The following HYDIN variants were observed in gnomAD, a reference collection of about 807,000 sequenced individuals.
The protein encoded by HYDIN is axonemal central pair apparatus protein HYDIN.
A neutral mutation model predicts 403.9 loss-of-function variants in HYDIN; 132 were observed. That is an observed-to-expected ratio of 0.33 (90% CI 0.28 to 0.38). HYDIN has a LOEUF of 0.38. Among genes scored for constraint, HYDIN ranks in the 10% least tolerant of loss-of-function variants. The pLI, the probability that HYDIN is intolerant of heterozygous loss-of-function variation, is 1.00. For missense variants in HYDIN, 2,827 were observed against 5,009.5 expected (o/e 0.56, Z 13.15); for synonymous variants, 1,202 against 1,891.7 (o/e 0.64, Z 9.46).
chr16:71,046,357 T>C (rs552356392), intron 18 of HYDIN, among the ~76,000 whole-genome samples: 3 of 152,164 alleles, frequency 2.0e-5, no homozygotes, highest in Admixed American at 6.5e-5. Flanking sequence ...TCAGTACTCA[T>C]ACACTGAATA....
chr16:71,179,015 G>A lies in HYDIN; in HGVS notation c.294C>T (p.Phe98=). ...ATATAATTTCTGATGGAAAGGGCTG[G>A]AATAATGCCTGATCCAGGTCAATTC... is the stretch of plus-strand genomic sequence containing the variant. The part of the protein sequence containing the change: ...FSGIDLDQAL[F]QPFPSEIIFQ... The change falls in exon 4 of 86, where the codon TTC becomes TTT. Residue 98 remains phenylalanine, a synonymous_variant. Transcript: ENST00000393567. The A allele has an allele frequency of 1.2e-6, 2 of 1,612,008 alleles. No individual in the cohort carries two copies. Among genetic ancestry groups the A allele is most frequent in the South Asian group, 2.2e-5 (2 of 90,952 alleles).
At chr16:70,853,440 C>T (rs1273827937) in intron 73 of HYDIN, among the ~76,000 whole-genome samples, 1 of 147,700 alleles carries the variant, frequency 6.8e-6, no homozygotes, top group Non-Finnish European at 1.5e-5. Flanking sequence ...TCATAACAGC[C>T]CAAACCAGGA....
intron 11 of HYDIN, 104 bp downstream of exon 11, chr16:71,093,713 A>C (rs1414475177): frequency 1.0e-5 from 14 of 1,349,080 alleles, no homozygotes; most frequent in Non-Finnish European, 1.3e-5. Context: ...ACGGCGAATA[A>C]ATGTGATTGC....
At position 71,178,910 on chromosome 16, in the gene HYDIN, C is replaced by T. The variant is rs184105273; in HGVS notation, c.381+18G>A. ...ATATATCCTGGAACAGTTCACCCAC[C>T]CCAGTGAACATACTCACTTTGTCAT... On this transcript the variant is annotated intron_variant, in intron 4 of 85. Transcript: ENST00000393567. 3.1e-5 allele frequency: 49 copies of T among 1,602,660 alleles called. 1 individual carries two copies. The African/African-American group carries it at 5.8e-4, about 19-fold the overall frequency.
At chr16:70,884,901 G>C in intron 58 of HYDIN, among the ~76,000 whole-genome samples, 1 of 152,244 alleles carries the variant, frequency 6.6e-6, no homozygotes. Flanking sequence ...GTCCTGCAGT[G>C]CTTCAGCTCA....
At chr16:71,009,664 A>G (rs1016065612) in intron 23 of HYDIN, among the ~76,000 whole-genome samples, 2 of 150,580 alleles carry the variant, frequency 1.3e-5, no homozygotes, top group Admixed American at 6.6e-5. Context: ...ATTATCCTGG[A>G]GTATATGAGT....
intron 47 of HYDIN, among the ~76,000 whole-genome samples, chr16:70,916,388 T>A (rs1019676474): frequency 6.6e-6 from 1 of 152,156 alleles, no homozygotes; most frequent in Non-Finnish European, 1.5e-5. Flanking sequence ...AAGGTTGGAA[T>A]CTTCTCCTTT....
intron 18 of HYDIN, among the ~76,000 whole-genome samples, chr16:71,054,405 G>A (rs1237407425): frequency 6.6e-6 from 1 of 152,242 alleles, no homozygotes; most frequent in East Asian, 1.9e-4. Flanking sequence ...CACACATTGT[G>A]GGGTGGAATA....
In HYDIN at chr16:70,834,151, G is replaced by A. The variant is rs200469008; in HGVS notation, c.13415C>T (p.Ala4472Val). The A allele has an allele frequency of 1.1e-5, 18 of 1,613,704 alleles. No homozygotes were observed. The highest frequency in any genetic ancestry group is 3.3e-4 in the Middle Eastern group (2 of 6,078). The change falls in exon 79 of 86, where the codon GCG becomes GTG. Residue 4472 changes from alanine to valine, a missense_variant. By Grantham distance (64) the Ala-to-Val change is moderately conservative. Coordinates refer to ENST00000393567, the MANE Select transcript of HYDIN (RefSeq NM_001270974.2). ...CTTCAGTGTGATGTTGTGGAAGGGC[G>A]CCAGGGTAAGGACCTGAATGAAATA... The part of the protein sequence containing the change: ...ELQEPKVLTL[A>V]PFHNITLKPK...
At chr16:71,071,672 C>T (rs2082470951) in intron 13 of HYDIN, among the ~76,000 whole-genome samples, 1 of 151,772 alleles carries the variant, frequency 6.6e-6, no homozygotes, top group Non-Finnish European at 1.5e-5. Context: ...CTAAAAAGCT[C>T]CTAAGAAGAC....
At chr16:71,052,014 C>T (rs1374727085) in intron 18 of HYDIN, among the ~76,000 whole-genome samples, 1 of 152,158 alleles carries the variant, frequency 6.6e-6, no homozygotes, top group Non-Finnish European at 1.5e-5. Flanking sequence ...AAATTATAAG[C>T]CTTAATTAAA....
Position 70,970,546 on chromosome 16 carries a change from C to T in HYDIN, c.5593G>A (p.Asp1865Asn). The T allele has an allele frequency of 7.0e-7, 1 of 1,423,776 alleles. No homozygotes were observed. The highest frequency in any genetic ancestry group is 9.7e-7 in the Non-Finnish European group (1 of 1,030,716). 88.2% of individuals were successfully genotyped at this position (1,423,776 alleles called of 1,614,324 possible). A position where few individuals can be genotyped will look rare whatever the true frequency, so the allele number is the denominator to read the frequency against. The stretch of plus-strand genomic sequence containing the variant: ...TTTTCTTCTATGAGATACTGCTGAT[C>T]AAATTCTAAGGAATAAAACTCAATG... Reference protein sequence around the residue: ...FPIEFYSLEFDQQYLIEEKIL... With the variant: ...FPIEFYSLEFNQQYLIEEKIL... The change falls in exon 36 of 86, where the codon GAT becomes AAT. Residue 1865 changes from aspartate to asparagine, a missense_variant. By Grantham distance (23) the Asp-to-Asn change is conservative. Coordinates refer to ENST00000393567, the MANE Select transcript of HYDIN (RefSeq NM_001270974.2).
At chr16:70,930,660 T>C (rs2077291938) in intron 45 of HYDIN, among the ~76,000 whole-genome samples, 1 of 152,164 alleles carries the variant, frequency 6.6e-6, no homozygotes, top group African/African-American at 2.4e-5. Context: ...GGCTGACTCT[T>C]GAACTATGTG....
At chr16:71,061,391 C>G (rs1196971585) in intron 17 of HYDIN, among the ~76,000 whole-genome samples, 2 of 152,248 alleles carry the variant, frequency 1.3e-5, no homozygotes, top group Admixed American at 1.3e-4. Context: ...TCTAAGCAAT[C>G]AGAGTCACAA....
intron 7 of HYDIN, among the ~76,000 whole-genome samples, chr16:71,148,744 G>T (rs1350504557): frequency 6.9e-6 from 1 of 145,862 alleles, no homozygotes; most frequent in Non-Finnish European, 1.5e-5. Flanking sequence ...CTTATATAAA[G>T]AATATATATA....
At chr16:70,990,162 GAGGC>G (rs1291024752) in intron 25 of HYDIN, among the ~76,000 whole-genome samples, 2 of 151,890 alleles carry the variant, frequency 1.3e-5, no homozygotes, top group Non-Finnish European at 2.9e-5. Context: ...TTGGGAGGCT[GAGGC>G]AGGTGGATTG....
At position 70,818,679 on chromosome 16, in the gene HYDIN, A is replaced by G. The variant is rs1453247042; in HGVS notation, c.14428-107T>C. The G allele has an allele frequency of 6.6e-6, 4 of 607,214 alleles. No homozygotes were observed. In the Admixed American group the frequency reaches 9.9e-5, roughly 15 times the overall value. 37.6% of individuals were successfully genotyped at this position (607,214 alleles called of 1,614,324 possible). On this transcript the variant is annotated intron_variant, in intron 83 of 85. Transcript: ENST00000393567. Reference sequence around the variant, plus strand: ...TCTCTTTTTTAGCATTGTTTGGCACATGAAGCACAGGTACCAGGCTGACAG... The same window carrying G: ...TCTCTTTTTTAGCATTGTTTGGCACGTGAAGCACAGGTACCAGGCTGACAG...
At chr16:70,992,824 T>C (rs1179467303) in intron 23 of HYDIN, among the ~76,000 whole-genome samples, 2 of 152,184 alleles carry the variant, frequency 1.3e-5, no homozygotes, top group Non-Finnish European at 2.9e-5. Context: ...GAAAAGCAAC[T>C]GTACCGGCTG....
intron 3 of HYDIN, among the ~76,000 whole-genome samples, chr16:71,184,175 T>C (rs1269119507): frequency 1.3e-5 from 2 of 152,158 alleles, no homozygotes; most frequent in East Asian, 3.9e-4. Context: ...AACATAACAT[T>C]GAAAAACTCT....
Sources: allele counts gnomAD v4.1 joint callset (sites outside exome capture counted in the v4.1 genomes callset), GRCh38; gene constraint gnomAD v4.1.1; transcripts MANE v1.5; gene names NCBI Gene and HGNC (gene_info 2026-07-23, HGNC 2026-07-21).